Variants in FBXO25 observed in about 807,000 individuals in gnomAD.
FBXO25 encodes F-box only protein 25.
FBXO25 carries 45 observed loss-of-function variants against 51.9 expected under a neutral mutation model. That is an observed-to-expected ratio of 0.87 (90% CI 0.68 to 1.11). The LOEUF (loss-of-function observed/expected upper bound fraction) is 1.11, where lower values mean the gene tolerates loss of function less well. Among genes scored for constraint, FBXO25 ranks in the 50% most tolerant of loss-of-function variants. The pLI is 0.00. For synonymous variants in FBXO25, 199 were observed against 151.0 expected (o/e 1.32, Z -2.33); for missense variants, 507 against 428.5 (o/e 1.18, Z -1.62).
At position 413,891 on chromosome 8, in the gene FBXO25, G is replaced by A. The variant is rs571619135; in HGVS notation, c.134+678G>A. 5.9e-5 allele frequency among the ~76,000 whole-genome samples: 9 copies of A among 152,308 alleles called. No individual in the cohort carries two copies. The South Asian group carries it at 1.2e-3, about 21-fold the overall frequency. On this transcript the variant is annotated intron_variant, in intron 2 of 9. Transcript: ENST00000350302. ...CAGATAAAAACCAGAGACTGCATGA[G>A]CACAGTACCAGGGTAGGTGGCTATT... is the stretch of plus-strand genomic sequence containing the variant.
At position 471,458 on chromosome 8, in the gene FBXO25, A is replaced by G. The variant is rs927838347; in HGVS notation, c.*2654A>G. 6.6e-6 allele frequency: 1 copy of G among 152,142 alleles called. No individual in the cohort carries two copies. Among genetic ancestry groups the G allele is most frequent in the African/African-American group, 2.4e-5 (1 of 41,420 alleles). 9.4% of individuals were successfully genotyped at this position (152,142 alleles called of 1,614,324 possible). A position where few individuals can be genotyped will look rare whatever the true frequency, so the allele number is the denominator to read the frequency against. On this transcript the variant is annotated 3_prime_UTR_variant, in exon 10 of 10. Coordinates refer to ENST00000350302, the MANE Select transcript of FBXO25 (RefSeq NM_183420.2). ...GGGGCCTTCCAAAAGTAGGGATGCC[A>G]CTCCTGTGAGATTAAGTTACATTCT... is the stretch of plus-strand genomic sequence containing the variant.
Position 474,589 on chromosome 8 carries a change from T to A in FBXO25, c.*5785T>A, listed in dbSNP as rs1024540533. ...TGCCATCCTAATGAGTGTGAAGTGGTATCCTGCTGAGATTTTGATTTGCAT... is the reference window on the plus strand; with the variant it reads ...TGCCATCCTAATGAGTGTGAAGTGGAATCCTGCTGAGATTTTGATTTGCAT... On this transcript the variant is annotated 3_prime_UTR_variant, in exon 10 of 10. Transcript: ENST00000350302. The A allele has an allele frequency of 3.9e-5, 15 of 385,412 alleles. No individual in the cohort carries two copies. The highest frequency in any genetic ancestry group is 7.6e-5 in the Non-Finnish European group (15 of 198,586). The allele number at this position is 385,412 out of a possible 1,614,324, so 23.9% of individuals were successfully genotyped here.
chr8:435,539 C>T (rs949868326), intron 4 of FBXO25, 76 bp from the exon 5 acceptor site: 24 of 1,482,994 alleles, frequency 1.6e-5, no homozygotes, highest in Admixed American at 1.5e-4. Flanking sequence ...TTTTTTTAAT[C>T]GCACAATTAA....
rs1800501563 is a variant in FBXO25 at position 472,038 on chromosome 8, CCT to C, written c.*3238_*3239del. On this transcript the variant is annotated 3_prime_UTR_variant, in exon 10 of 10. Transcript: ENST00000350302. ...CTATGAATAGACAGTTTCACTTCTT[CCT>C]CTCAGTCTAGATGTCCTTTATTCTT... 1 of 152,182 alleles carries C rather than the reference CCT, an allele frequency of 6.6e-6. No homozygotes were observed. Among genetic ancestry groups the C allele is most frequent in the Admixed American group, 6.5e-5 (1 of 15,284 alleles). 9.4% of individuals were successfully genotyped at this position (152,182 alleles called of 1,614,324 possible).
At position 476,016 on chromosome 8, in the gene FBXO25, T is replaced by C. The variant is rs1458728785; in HGVS notation, c.*7212T>C. ...TGAATATGATGTTTACAGTGGGATG[T>C]TCATATGGCCTCTATTTTAGGTTGT... is the stretch of plus-strand genomic sequence containing the variant. On this transcript the variant is annotated 3_prime_UTR_variant, in exon 10 of 10. Transcript: ENST00000350302. The C allele has an allele frequency of 2.6e-5, 4 of 152,194 alleles. No homozygotes were observed. 9.4% of individuals were successfully genotyped at this position (152,194 alleles called of 1,614,324 possible).
At chr8:445,627 C>T (rs1469812690) in intron 5 of FBXO25, among the ~76,000 whole-genome samples, 4 of 152,152 alleles carry the variant, frequency 2.6e-5, no homozygotes, top group African/African-American at 7.2e-5. Context: ...CCGAGGTGGG[C>T]GGATCACCTG....
At chr8:439,053 C>A (rs376482674) in intron 5 of FBXO25, among the ~76,000 whole-genome samples, 1 of 152,328 alleles carries the variant, frequency 6.6e-6, no homozygotes, top group East Asian at 1.9e-4. Context: ...TCCATGAACT[C>A]AGAGGTGCCC....
At chr8:421,645 G>A (rs1797164031) in intron 2 of FBXO25, among the ~76,000 whole-genome samples, 1 of 152,174 alleles carries the variant, frequency 6.6e-6, no homozygotes, top group African/African-American at 2.4e-5. Flanking sequence ...GCATGTGTGA[G>A]TTAGTATAAC....
intron 5 of FBXO25, among the ~76,000 whole-genome samples, chr8:448,780 G>T (rs1798893015): frequency 6.6e-6 from 1 of 152,180 alleles, no homozygotes; most frequent in Admixed American, 6.5e-5. Flanking sequence ...AGTTGTAGAG[G>T]AGAGGGATGG....
At chr8:462,035 A>T (rs753215106) in intron 8 of FBXO25, among the ~76,000 whole-genome samples, 24 of 152,214 alleles carry the variant, frequency 1.6e-4, no homozygotes, top group Non-Finnish European at 2.9e-4. Context: ...TGGCTGAGTC[A>T]TATGGTGGAT....
Position 474,978 on chromosome 8 carries a change from G to T in FBXO25, c.*6174G>T, listed in dbSNP as rs1007288203. The T allele has an allele frequency of 2.5e-6, 1 of 401,968 alleles. No homozygotes were observed. The highest frequency in any genetic ancestry group is 3.4e-5 in the Admixed American group (1 of 29,448). The allele number at this position is 401,968 out of a possible 1,614,324, so 24.9% of individuals were successfully genotyped here. A position where few individuals can be genotyped will look rare whatever the true frequency, so the allele number is the denominator to read the frequency against. On this transcript the variant is annotated 3_prime_UTR_variant, in exon 10 of 10. Transcript: ENST00000350302. Reference sequence around the variant, plus strand: ...CTGTTTTGTTCTTTGATGTACAGAAGTTGTTTCTTTCTTTTAGTTACCTGT... The same window carrying T: ...CTGTTTTGTTCTTTGATGTACAGAATTTGTTTCTTTCTTTTAGTTACCTGT...
chr8:455,602 A>G (rs759800775), intron 7 of FBXO25, among the ~76,000 whole-genome samples: 1 of 152,224 alleles, frequency 6.6e-6, no homozygotes, highest in Non-Finnish European at 1.5e-5. Flanking sequence ...GTAAAATAGA[A>G]TGATAATAGC....
At chr8:452,774 C>A (rs138489766) in intron 7 of FBXO25, among the ~76,000 whole-genome samples, 1 of 152,126 alleles carries the variant, frequency 6.6e-6, no homozygotes, top group Non-Finnish European at 1.5e-5. Context: ...AGATGTGCAC[C>A]GGTGGAGACA....
chr8:458,099 G>A (rs1232830254), intron 7 of FBXO25, among the ~76,000 whole-genome samples: 2 of 152,198 alleles, frequency 1.3e-5, no homozygotes, highest in Non-Finnish European at 2.9e-5. Context: ...TGATGCTGAC[G>A]CACACCTGTC....
At chr8:444,952 C>T (rs1798645724) in intron 5 of FBXO25, among the ~76,000 whole-genome samples, 1 of 152,188 alleles carries the variant, frequency 6.6e-6, no homozygotes, top group Non-Finnish European at 1.5e-5. Context: ...TGTTAAGCGA[C>T]CCATGACTGT....
chr8:450,997 T>C (rs1403912725), intron 6 of FBXO25: 2 of 275,170 alleles, frequency 7.3e-6, no homozygotes, highest in Non-Finnish European at 1.3e-5. Context: ...AAGTGCCTTA[T>C]GTAAGTGGGT....
intron 3 of FBXO25, among the ~76,000 whole-genome samples, chr8:432,417 G>C (rs948205907): frequency 2.6e-5 from 4 of 151,546 alleles, no homozygotes; most frequent in African/African-American, 9.8e-5. Flanking sequence ...TGAAACTGTA[G>C]AAGGTGAAAC....
intron 5 of FBXO25, among the ~76,000 whole-genome samples, chr8:436,749 G>T (rs559445178): frequency 6.6e-6 from 1 of 152,218 alleles, no homozygotes; most frequent in Non-Finnish European, 1.5e-5. Context: ...AACATCAGCA[G>T]AGAGGTCTGT....
At chr8:425,836 C>G (rs933289239) in intron 2 of FBXO25, among the ~76,000 whole-genome samples, 1 of 150,694 alleles carries the variant, frequency 6.6e-6, no homozygotes, top group Non-Finnish European at 1.5e-5. Context: ...AGGGAACCAC[C>G]TTGTTCTATT....
Sources: gnomAD v4.1 joint callset for allele counts (sites outside exome capture counted in the v4.1 genomes callset) on GRCh38, gnomAD v4.1.1 for gene constraint, MANE v1.5 for transcripts, NCBI Gene and HGNC (gene_info 2026-07-23, HGNC 2026-07-21) for gene names.